The following GRIA4 variants were observed in gnomAD, a reference collection of about 807,000 sequenced individuals.
GRIA4 encodes the protein glutamate receptor 4.
In GRIA4, 34 loss-of-function variants were observed where a neutral mutation model predicts 104.0. The observed-to-expected ratio is 0.33, with a 90% CI of 0.25 to 0.44. The LOEUF is 0.44. GRIA4 is among the 20% of genes least tolerant of loss of function. GRIA4 has a pLI of 1.00. For synonymous variants in GRIA4, 386 were observed against 381.9 expected, an observed-to-expected ratio of 1.01 and a Z score of -0.13; for missense variants, 750 against 1,096.5, an observed-to-expected ratio of 0.68 and a Z score of 4.46.
intron 3 of GRIA4, among the ~76,000 whole-genome samples, chr11:105,715,199 A>G (rs1045794059): frequency 2.0e-5 from 3 of 152,202 alleles, no homozygotes; most frequent in Non-Finnish European, 4.4e-5. Context: ...CAATCATGAC[A>G]ATGGTCATAA....
chr11:105,663,200 A>C (rs1407931743), intron 3 of GRIA4, among the ~76,000 whole-genome samples: 5 of 151,946 alleles, frequency 3.3e-5, no homozygotes, highest in African/African-American at 1.2e-4. Context: ...TGATTTACTC[A>C]AGCCATTTTT....
intron 3 of GRIA4, among the ~76,000 whole-genome samples, chr11:105,685,538 T>C (rs1310936807): frequency 6.6e-6 from 1 of 152,162 alleles, no homozygotes; most frequent in African/African-American, 2.4e-5. Context: ...TGCTAGTAAC[T>C]GTGAGGTATA....
intron 3 of GRIA4, among the ~76,000 whole-genome samples, chr11:105,740,159 T>C (rs1411767151): frequency 6.6e-6 from 1 of 152,232 alleles, no homozygotes; most frequent in African/African-American, 2.4e-5. Flanking sequence ...GAGTTAAGAT[T>C]GTTAAACAAT....
intron 3 of GRIA4, among the ~76,000 whole-genome samples, chr11:105,687,367 C>T (rs934922166): frequency 2.0e-5 from 3 of 152,084 alleles, no homozygotes; most frequent in African/African-American, 7.2e-5. Context: ...TATTAAATTG[C>T]CTAGTGCTCC....
chr11:105,662,328 T>C (rs1952037588), intron 3 of GRIA4, among the ~76,000 whole-genome samples: 1 of 151,868 alleles, frequency 6.6e-6, no homozygotes, highest in African/African-American at 2.4e-5. Flanking sequence ...AACCTAGGTC[T>C]GCCTGTTTCT....
chr11:105,908,340 T>C (rs1037032706), intron 9 of GRIA4, among the ~76,000 whole-genome samples: 7 of 152,184 alleles, frequency 4.6e-5, no homozygotes, highest in Non-Finnish European at 1.0e-4. Flanking sequence ...ATAGGAAAAA[T>C]ATCCATTTCC....
At chr11:105,782,679 G>T (rs1300375289) in intron 4 of GRIA4, among the ~76,000 whole-genome samples, 1 of 152,160 alleles carries the variant, frequency 6.6e-6, no homozygotes, top group African/African-American at 2.4e-5. Context: ...AGAGAAAGGG[G>T]TGTGGACTTA....
Position 105,928,346 on chromosome 11 carries a change from T to C in GRIA4, c.2046+1407T>C, listed in dbSNP as rs1285466694. Among the ~76,000 whole-genome samples the C allele has an allele frequency of 3.9e-5, 6 of 152,044 alleles. No homozygotes were observed. The South Asian group carries it at 6.2e-4, about 16-fold the overall frequency. On this transcript the variant is annotated intron_variant, in intron 13 of 16. Coordinates refer to ENST00000282499, the MANE Select transcript of GRIA4 (RefSeq NM_000829.4). ...TATAAGTTAATTACAAAACACTTAATAGATTTTCTTAAAACTGTAAGTAAT... is the reference window on the plus strand; with the variant it reads ...TATAAGTTAATTACAAAACACTTAACAGATTTTCTTAAAACTGTAAGTAAT...
chr11:105,717,734 T>C (rs1012437305), intron 3 of GRIA4, among the ~76,000 whole-genome samples: 1 of 151,984 alleles, frequency 6.6e-6, no homozygotes, highest in African/African-American at 2.4e-5. Flanking sequence ...TATTATACTT[T>C]AAGTTTTAGG....
At chr11:105,913,044 C>A in intron 10 of GRIA4, 1 of 903,074 alleles carries the variant, frequency 1.1e-6, no homozygotes, top group Non-Finnish European at 1.3e-6. Flanking sequence ...TGTGTATGTT[C>A]TTATTTATAT....
chr11:105,645,727 T>A (rs1951507793), intron 3 of GRIA4, among the ~76,000 whole-genome samples: 1 of 152,130 alleles, frequency 6.6e-6, no homozygotes, highest in African/African-American at 2.4e-5. Flanking sequence ...GCACACAATG[T>A]AGAGCTGCAG....
At chr11:105,627,804 A>C (rs1365829511) in intron 3 of GRIA4, among the ~76,000 whole-genome samples, 1 of 152,226 alleles carries the variant, frequency 6.6e-6, no homozygotes, top group Non-Finnish European at 1.5e-5. Flanking sequence ...TAATATGCAT[A>C]GAGGCAATAA....
chr11:105,704,366 T>A (rs1953616997), intron 3 of GRIA4, among the ~76,000 whole-genome samples: 1 of 151,984 alleles, frequency 6.6e-6, no homozygotes, highest in South Asian at 2.1e-4. Context: ...AGTGGTTAAG[T>A]ACATGAGAGC....
chr11:105,910,330 TACA>T, intron 9 of GRIA4, 102 bp from the exon 10 acceptor site: 2 of 639,160 alleles, frequency 3.1e-6, no homozygotes, highest in Non-Finnish European at 2.8e-6. Context: ...TTTGTTTGCT[TACA>T]TTTGTTTTGT....
At chr11:105,632,994 C>T (rs539728655) in intron 3 of GRIA4, among the ~76,000 whole-genome samples, 2 of 152,212 alleles carry the variant, frequency 1.3e-5, no homozygotes, top group East Asian at 1.9e-4. Flanking sequence ...GAAGATGGTG[C>T]TGTTCACCAG....
intron 3 of GRIA4, among the ~76,000 whole-genome samples, chr11:105,674,327 G>GT (rs1488012358): frequency 2.0e-5 from 3 of 151,932 alleles, no homozygotes; most frequent in East Asian, 1.9e-4. Flanking sequence ...GATGATTTGT[G>GT]TGAGAGAGTT....
chr11:105,692,179 T>A (rs1472850771), intron 3 of GRIA4, among the ~76,000 whole-genome samples: 1 of 151,710 alleles, frequency 6.6e-6, no homozygotes, highest in East Asian at 1.9e-4. Flanking sequence ...GAATAATAGT[T>A]CCCATTTATT....
chr11:105,633,930 A>C (rs994394106), intron 3 of GRIA4, among the ~76,000 whole-genome samples: 2 of 152,184 alleles, frequency 1.3e-5, no homozygotes, highest in African/African-American at 4.8e-5. Context: ...TGTTAAAAAC[A>C]GTTTCTTCCA....
chr11:105,701,092 C>G (rs962968597), intron 3 of GRIA4, among the ~76,000 whole-genome samples: 1 of 152,062 alleles, frequency 6.6e-6, no homozygotes, highest in Non-Finnish European at 1.5e-5. Flanking sequence ...GGCTTATTCC[C>G]CATTCTGGTT....
Sources: allele counts gnomAD v4.1 joint callset (sites outside exome capture counted in the v4.1 genomes callset), GRCh38; gene constraint gnomAD v4.1.1; transcripts MANE v1.5; gene names NCBI Gene and HGNC (gene_info 2026-07-23, HGNC 2026-07-21).